The following SVEP1 variants were observed in gnomAD, a reference collection of about 807,000 sequenced individuals.
The protein encoded by SVEP1 is sushi, von Willebrand factor type A, EGF and pentraxin domain containing 1.
In SVEP1, 164 loss-of-function variants were observed where a neutral mutation model predicts 367.3. That is an observed-to-expected ratio of 0.45 (90% CI 0.39 to 0.51). The LOEUF is 0.51. Among genes scored for constraint, SVEP1 ranks in the 20% least tolerant of loss-of-function variants. SVEP1 has a pLI of 0.00. For missense variants in SVEP1, 4,117 were observed against 4,425.3 expected (o/e 0.93, Z 1.98); for synonymous variants, 1,666 against 1,611.6 (o/e 1.03, Z -0.81).
At chr9:110,519,539 A>G (rs1829851923) in intron 3 of SVEP1, among the ~76,000 whole-genome samples, 3 of 152,046 alleles carry the variant, frequency 2.0e-5, no homozygotes, top group Admixed American at 2.0e-4. Flanking sequence ...ATTCCTCTGC[A>G]CTGGCACACA....
Position 110,406,446 on chromosome 9 carries a change from A to G in SVEP1, c.9154T>C (p.Trp3052Arg). Residue 3052 changes from tryptophan to arginine, a missense_variant, in exon 38 of 48, where the codon TGG becomes CGG. Transcript: ENST00000374469. ...TCACAGTGGGGGAACCCAGAGCTCC[A>G]CTGGCCATCGGCTTCACAGGTGATT... is the stretch of plus-strand genomic sequence containing the variant. ...SEITCEADGQ[W>R]SSGFPHCEHT... is the part of the protein sequence containing the mutation. 6.2e-7 allele frequency: 1 copy of G among 1,614,078 alleles called. No homozygotes were observed. Among genetic ancestry groups the G allele is most frequent in the Non-Finnish European group, 8.5e-7 (1 of 1,179,910 alleles).
At chr9:110,458,408 G>A in intron 20 of SVEP1, 63 bp downstream of exon 20, 1 of 1,437,250 alleles carries the variant, frequency 7.0e-7, no homozygotes, top group Admixed American at 2.0e-5. Context: ...TGTGTGATGT[G>A]TAAAATGACA....
intron 3 of SVEP1, among the ~76,000 whole-genome samples, chr9:110,515,551 C>A (rs1031027492): frequency 6.6e-6 from 1 of 152,132 alleles, no homozygotes; most frequent in Non-Finnish European, 1.5e-5. Flanking sequence ...CCGCCCGCCT[C>A]AGCCTCCCAA....
At chr9:110,440,613 AG>A (rs1828498366) in intron 27 of SVEP1, among the ~76,000 whole-genome samples, 1 of 152,224 alleles carries the variant, frequency 6.6e-6, no homozygotes, top group Admixed American at 6.5e-5. Flanking sequence ...TGAAAGAAAA[AG>A]CTCAGTGAGA....
chr9:110,415,799 T>C (rs1198372061), intron 36 of SVEP1, among the ~76,000 whole-genome samples: 1 of 151,952 alleles, frequency 6.6e-6, no homozygotes, highest in African/African-American at 2.4e-5. Flanking sequence ...GTGCCAGAAA[T>C]GAAGAGGAAA....
chr9:110,399,485 T>TAATAA (rs1181481523), intron 40 of SVEP1, among the ~76,000 whole-genome samples: 1 of 152,032 alleles, frequency 6.6e-6, no homozygotes, highest in Admixed American at 6.6e-5. Flanking sequence ...ACTTAAAGTA[T>TAATAA]AATAATAATA....
chr9:110,407,714 T>C lies in SVEP1; in HGVS notation c.7886A>G (p.Asp2629Gly). The C allele has an allele frequency of 6.2e-7, 1 of 1,613,984 alleles. No homozygotes were observed. Among genetic ancestry groups the C allele is most frequent in the Non-Finnish European group, 8.5e-7 (1 of 1,179,886 alleles). The change falls in exon 38 of 48, where the codon GAT becomes GGT. Residue 2629 changes from aspartate (D) to glycine (G), a missense_variant. Coordinates refer to ENST00000374469, the MANE Select transcript of SVEP1 (RefSeq NM_153366.4). ...IDFGDCTKLK[D>G]DQGYFEQEDD... ...TTCTTGCTCAAAATATCCCTGGTCA[T>C]CTTTGAGTTTAGTACAGTCTCCAAA... is the stretch of plus-strand genomic sequence containing the variant.
At chr9:110,385,362 A>G (rs1313806391) in intron 43 of SVEP1, among the ~76,000 whole-genome samples, 1 of 152,260 alleles carries the variant, frequency 6.6e-6, no homozygotes, top group Non-Finnish European at 1.5e-5. Context: ...AGATGCCTCC[A>G]GATTGCATAA....
intron 1 of SVEP1, among the ~76,000 whole-genome samples, chr9:110,551,588 C>T (rs1419171221): frequency 5.9e-5 from 9 of 152,118 alleles, no homozygotes; most frequent in African/African-American, 9.7e-5. Flanking sequence ...GTGGCTTCTG[C>T]GACGGAGTAG....
intron 3 of SVEP1, among the ~76,000 whole-genome samples, chr9:110,527,896 A>G (rs1829960956): frequency 6.6e-6 from 1 of 151,610 alleles, no homozygotes; most frequent in African/African-American, 2.4e-5. Context: ...CCATTATACC[A>G]TACTGTATGC....
chr9:110,491,590 G>GGTGTGTGTGTGTGTGTGT (rs55905097), intron 8 of SVEP1, among the ~76,000 whole-genome samples: 5 of 147,838 alleles, frequency 3.4e-5, no homozygotes, highest in Middle Eastern at 3.4e-3. Context: ...TATAGAATGG[G>GGTGTGTGTGTGTGTGTGT]GTGTGTGTGT....
rs748459552 is a variant in SVEP1 at position 110,483,633 on chromosome 9, T to C, written c.1991A>G (p.Lys664Arg). The part of the protein sequence containing the change: ...RSPPPVQVSE[K>R]VHAASWDEPQ... ...CTCATCCCAGCTTGCGGCATGTACC[T>C]TCTCCGAGACCTGGACGGGAGGTGG... The change falls in exon 10 of 48, where the codon AAG becomes AGG. Residue 664 changes from lysine to arginine, a missense_variant. Coordinates refer to ENST00000374469, the MANE Select transcript of SVEP1 (RefSeq NM_153366.4). The C allele has an allele frequency of 3.1e-6, 5 of 1,612,538 alleles. No homozygotes were observed. Among genetic ancestry groups the C allele is most frequent in the Non-Finnish European group, 4.2e-6 (5 of 1,179,184 alleles).
intron 2 of SVEP1, among the ~76,000 whole-genome samples, chr9:110,547,697 C>G (rs1473645099): frequency 6.6e-6 from 1 of 152,106 alleles, no homozygotes; most frequent in Non-Finnish European, 1.5e-5. Context: ...ATTCTGTAAC[C>G]TATGTCTATC....
At chr9:110,398,232 G>T (rs1272281783) in intron 40 of SVEP1, among the ~76,000 whole-genome samples, 1 of 152,094 alleles carries the variant, frequency 6.6e-6, no homozygotes, top group African/African-American at 2.4e-5. Context: ...ACAAAAACAA[G>T]AAATGGGGAA....
chr9:110,505,779 T>A (rs886934071), intron 5 of SVEP1, among the ~76,000 whole-genome samples: 1 of 152,092 alleles, frequency 6.6e-6, no homozygotes, highest in Non-Finnish European at 1.5e-5. Context: ...CATTCCAGTA[T>A]CCTGGAGTTA....
intron 6 of SVEP1, among the ~76,000 whole-genome samples, chr9:110,502,003 T>C (rs1431477487): frequency 6.6e-6 from 1 of 152,154 alleles, no homozygotes; most frequent in Non-Finnish European, 1.5e-5. Flanking sequence ...TTTTTGGTAA[T>C]AATTGTCAGG....
At chr9:110,429,073 A>G in intron 35 of SVEP1, 70 bp downstream of exon 35, 1 of 1,328,184 alleles carries the variant, frequency 7.5e-7, no homozygotes, top group Non-Finnish European at 1.0e-6. Flanking sequence ...TGTCTCAAAA[A>G]AATTAAAATA....
In SVEP1 at chr9:110,406,465, G is replaced by T; in HGVS notation, c.9135C>A (p.Thr3045=). The T allele has an allele frequency of 6.2e-7, 1 of 1,613,992 alleles. No homozygotes were observed. The highest frequency in any genetic ancestry group is 1.6e-4 in the Middle Eastern group (1 of 6,062). ...AGCTCCACTGGCCATCGGCTTCACA[G>T]GTGATTTCAGAAAGTCCTAGGAGCT... ...GFKLLGLSEI[T]CEADGQWSSG... is the part of the protein sequence containing the mutation. The change falls in exon 38 of 48, where the codon ACC becomes ACA. Residue 3045 remains threonine (T), a synonymous_variant. Transcript: ENST00000374469.
At chr9:110,415,329 C>G (rs1828102668) in intron 36 of SVEP1, among the ~76,000 whole-genome samples, 1 of 151,988 alleles carries the variant, frequency 6.6e-6, no homozygotes, top group Non-Finnish European at 1.5e-5. Context: ...CTCGGTGAGA[C>G]AGATGCAAAA....
Sources: allele counts gnomAD v4.1 joint callset (sites outside exome capture counted in the v4.1 genomes callset), GRCh38; gene constraint gnomAD v4.1.1; transcripts MANE v1.5; gene names NCBI Gene and HGNC (gene_info 2026-07-23, HGNC 2026-07-21).